Variants in EIPR1 observed in about 807,000 individuals in gnomAD.
EIPR1 encodes the protein EARP and GARP complex-interacting protein 1.
In EIPR1, 25 loss-of-function variants were observed where a neutral mutation model predicts 48.1. That is an observed-to-expected ratio of 0.52 (90% CI 0.38 to 0.73). The LOEUF (loss-of-function observed/expected upper bound fraction) is 0.73, where lower values mean the gene tolerates loss of function less well. Among genes scored for constraint, EIPR1 ranks in the 30% least tolerant of loss-of-function variants. The pLI, the probability that EIPR1 is intolerant of heterozygous loss-of-function variation, is 0.00. For synonymous variants in EIPR1, 204 were observed against 201.9 expected, an observed-to-expected ratio of 1.01 and a Z score of -0.09; for missense variants, 415 against 506.2, an observed-to-expected ratio of 0.82 and a Z score of 1.73.
At chr2:3,205,733 T>C (rs142237606) in intron 5 of EIPR1, among the ~76,000 whole-genome samples, 2 of 152,286 alleles carry the variant, frequency 1.3e-5, no homozygotes, top group East Asian at 3.9e-4. Flanking sequence ...GCCCCGAGCT[T>C]GAACCCCAGC....
chr2:3,305,256 A>C (rs368359500), intron 3 of EIPR1, among the ~76,000 whole-genome samples: 2,180 of 30,664 alleles, frequency 0.071, 26 homozygotes, highest in African/African-American at 0.12. Context: ...CCACTCCCGT[A>C]CAGTTCAGCC....
At chr2:3,287,587 C>T (rs913071444) in intron 3 of EIPR1, among the ~76,000 whole-genome samples, 2 of 150,990 alleles carry the variant, frequency 1.3e-5, no homozygotes, top group Admixed American at 6.6e-5. Flanking sequence ...CCAGAAAGCA[C>T]GTTCACCATG....
chr2:3,296,992 G>T (rs567331507), intron 3 of EIPR1, among the ~76,000 whole-genome samples: 1 of 152,352 alleles, frequency 6.6e-6, no homozygotes, highest in South Asian at 2.1e-4. Context: ...TAGCCTGGAA[G>T]CCATCTACTT....
intron 8 of EIPR1, among the ~76,000 whole-genome samples, chr2:3,190,081 G>T (rs376171793): frequency 6.6e-6 from 1 of 152,066 alleles, no homozygotes. Flanking sequence ...AGCAGCAGAG[G>T]CGTGACCTGC....
At position 3,189,127 on chromosome 2, in the gene EIPR1, CAG is replaced by C; in HGVS notation, c.*205_*206del. 2 of 429,624 alleles carry C rather than the reference CAG, an allele frequency of 4.7e-6. No individual in the cohort carries two copies. The highest frequency in any genetic ancestry group is 4.9e-4 in the Middle Eastern group (1 of 2,044). The allele number at this position is 429,624 out of a possible 1,614,324, so 26.6% of individuals were successfully genotyped here. A position where few individuals can be genotyped will look rare whatever the true frequency, so the allele number is the denominator to read the frequency against. ...TAATGTGGGGCTCTGTCTCTGCCGA[CAG>C]GGGCTGGGTTCGGGCATTAGCTGTG... is the stretch of plus-strand genomic sequence containing the variant. On this transcript the variant is annotated 3_prime_UTR_variant, in exon 9 of 9. Coordinates refer to ENST00000382125, the MANE Select transcript of EIPR1 (RefSeq NM_003310.5). The surrounding 1 kb of genome is among the most constrained non-coding windows in gnomAD (Gnocchi z 4.6).
At chr2:3,315,154 T>C (rs536837688) in intron 3 of EIPR1, among the ~76,000 whole-genome samples, 37 of 100,382 alleles carry the variant, frequency 3.7e-4, no homozygotes, top group African/African-American at 2.2e-3. Flanking sequence ...ATCGCCCCCA[T>C]GCCTACCATC....
At chr2:3,270,778 C>A (rs1406877690) in intron 3 of EIPR1, among the ~76,000 whole-genome samples, 1 of 152,196 alleles carries the variant, frequency 6.6e-6, no homozygotes, top group Non-Finnish European at 1.5e-5. Flanking sequence ...TGGCAGCTAA[C>A]TGCTCAGGGT....
At chr2:3,248,694 G>A (rs1238522117) in intron 4 of EIPR1, among the ~76,000 whole-genome samples, 2 of 152,192 alleles carry the variant, frequency 1.3e-5, no homozygotes, top group African/African-American at 2.4e-5. Flanking sequence ...TATACTGGAA[G>A]GCGGAGGCAG....
intron 2 of EIPR1, among the ~76,000 whole-genome samples, chr2:3,340,343 G>A (rs1384290447): frequency 6.6e-6 from 1 of 152,186 alleles, no homozygotes; most frequent in Non-Finnish European, 1.5e-5. Context: ...AGATATGGCC[G>A]GCTTGCCCGA....
chr2:3,334,580 A>C (rs1415666329), intron 3 of EIPR1, among the ~76,000 whole-genome samples: 1 of 152,252 alleles, frequency 6.6e-6, no homozygotes. Context: ...GATTCAGATG[A>C]GACGTGGCGC....
chr2:3,282,017 T>C (rs1375172459), intron 3 of EIPR1, among the ~76,000 whole-genome samples: 1 of 152,208 alleles, frequency 6.6e-6, no homozygotes, highest in East Asian at 1.9e-4. Context: ...GGGCACTGCG[T>C]ACGTGGAAAT....
At chr2:3,369,814 G>C (rs1377383018) in intron 1 of EIPR1, among the ~76,000 whole-genome samples, 3 of 152,194 alleles carry the variant, frequency 2.0e-5, no homozygotes, top group South Asian at 2.1e-4. Flanking sequence ...GCAGGGCACA[G>C]ACAAACAAAA....
chr2:3,326,903 T>C (rs952739151), intron 3 of EIPR1, among the ~76,000 whole-genome samples: 6 of 152,262 alleles, frequency 3.9e-5, no homozygotes, highest in Non-Finnish European at 5.9e-5. Flanking sequence ...TGTAGCAAAA[T>C]GGCTGATCCC....
intron 3 of EIPR1, among the ~76,000 whole-genome samples, chr2:3,279,181 AAATT>A (rs1413056471): frequency 1.3e-5 from 2 of 152,148 alleles, no homozygotes; most frequent in African/African-American, 2.4e-5. Context: ...ATCATGTCAG[AAATT>A]AATTAACACC....
At chr2:3,290,174 C>T (rs981812170) in intron 3 of EIPR1, among the ~76,000 whole-genome samples, 3 of 152,234 alleles carry the variant, frequency 2.0e-5, no homozygotes, top group Non-Finnish European at 4.4e-5. Flanking sequence ...GCATACAGGG[C>T]AGTGCGTGGC....
intron 3 of EIPR1, among the ~76,000 whole-genome samples, chr2:3,300,654 A>G (rs1245420570): frequency 6.6e-6 from 1 of 152,212 alleles, no homozygotes; most frequent in East Asian, 1.9e-4. Flanking sequence ...CCATGAAAAA[A>G]AAAAAGAATC....
At chr2:3,318,791 C>T (rs1558295150) in intron 3 of EIPR1, 8 of 461,038 alleles carry the variant, frequency 1.7e-5, no homozygotes, top group South Asian at 1.1e-4. Flanking sequence ...TGCTACTCCT[C>T]GATCGCCACA....
chr2:3,293,309 T>C (rs1419109382), intron 3 of EIPR1, among the ~76,000 whole-genome samples: 1 of 152,084 alleles, frequency 6.6e-6, no homozygotes, highest in Non-Finnish European at 1.5e-5. Context: ...GGTCAGTGGC[T>C]CCTCCAGGAG....
intron 3 of EIPR1, among the ~76,000 whole-genome samples, chr2:3,316,731 A>G (rs12621987): frequency 0.46 from 69,890 of 152,124 alleles, 17,445 homozygotes; most frequent in East Asian, 0.82. Context: ...TTCAAGTAAC[A>G]AACCACAAAG....
Sources: gnomAD v4.1 joint callset for allele counts (sites outside exome capture counted in the v4.1 genomes callset) on GRCh38, gnomAD v4.1.1 for gene constraint, Gnocchi (gnomAD v3.1) non-coding constraint, MANE v1.5 for transcripts, NCBI Gene and HGNC (gene_info 2026-07-23, HGNC 2026-07-21) for gene names.